The following MUC15 variants were observed in gnomAD, a reference collection of about 807,000 sequenced individuals.
The protein encoded by MUC15 is mucin 15, cell surface associated.
Under a neutral mutation model 24.0 loss-of-function variants are expected in MUC15, and 23 were observed. The ratio of observed to expected loss-of-function variants is 0.96; its 90% CI spans 0.69 to 1.36. The LOEUF is 1.36. Among genes scored for constraint, MUC15 ranks in the 40% most tolerant of loss-of-function variants. MUC15 has a pLI of 0.00. For missense variants in MUC15, 442 were observed against 428.2 expected, an observed-to-expected ratio of 1.03 and a Z score of -0.29; for synonymous variants, 151 against 156.3, an observed-to-expected ratio of 0.97 and a Z score of 0.25.
At chr11:26,569,952 T>C (rs1051933625) in intron 1 of MUC15, among the ~76,000 whole-genome samples, 9 of 151,984 alleles carry the variant, frequency 5.9e-5, no homozygotes, top group South Asian at 2.1e-4. Context: ...TCTTTTTGCA[T>C]CTGGGTGGTA....
At chr11:26,569,557 T>G (rs1850736929) in intron 1 of MUC15, among the ~76,000 whole-genome samples, 3 of 152,056 alleles carry the variant, frequency 2.0e-5, no homozygotes, top group South Asian at 2.1e-4. Context: ...GAAATTTTGC[T>G]GGAGTAAGGT....
intron 1 of MUC15, among the ~76,000 whole-genome samples, chr11:26,568,404 G>C (rs577664942): frequency 1.2e-4 from 18 of 151,408 alleles, no homozygotes; most frequent in Admixed American, 1.1e-3. Flanking sequence ...ATTCATGTTT[G>C]TAACATAAGT....
Position 26,559,808 on chromosome 11 carries a change from C to A in MUC15, c.*1257G>T. On this transcript the variant is annotated 3_prime_UTR_variant, in exon 5 of 5. Coordinates refer to ENST00000529533, the MANE Select transcript of MUC15 (RefSeq NM_001135091.2). ...AGTACTTTCTTCATTACTTTCTATCCCTTATTTTCTGAAGCTGTTTCTGTG... is the reference window on the plus strand; with the variant it reads ...AGTACTTTCTTCATTACTTTCTATCACTTATTTTCTGAAGCTGTTTCTGTG... 5 of 1,371,278 alleles carry A rather than the reference C, an allele frequency of 3.6e-6. No individual in the cohort carries two copies. Among genetic ancestry groups the A allele is most frequent in the Non-Finnish European group, 5.2e-6 (5 of 968,382 alleles). The allele number at this position is 1,371,278 out of a possible 1,614,324, so 84.9% of individuals were successfully genotyped here.
chr11:26,560,002 C>T lies in MUC15; in HGVS notation c.*1063G>A. The T allele has an allele frequency of 2.5e-6, 1 of 392,320 alleles. No homozygotes were observed. Among genetic ancestry groups the T allele is most frequent in the African/African-American group, 2.1e-5 (1 of 48,744 alleles). 24.3% of individuals were successfully genotyped at this position (392,320 alleles called of 1,614,324 possible). A position where few individuals can be genotyped will look rare whatever the true frequency, so the allele number is the denominator to read the frequency against. On this transcript the variant is annotated 3_prime_UTR_variant, in exon 5 of 5. Coordinates refer to ENST00000529533, the MANE Select transcript of MUC15 (RefSeq NM_001135091.2). ...CTCTAATCTCTAAAACCTAGACTTT[C>T]CTACATCAAGGAACATATTTTTTCT...
rs944044497 is a variant in MUC15 at position 26,565,642 on chromosome 11, G to C, written c.298C>G (p.Pro100Ala). 1.2e-6 allele frequency: 2 copies of C among 1,609,402 alleles called. No individual in the cohort carries two copies. Among genetic ancestry groups the C allele is most frequent in the Admixed American group, 1.7e-5 (1 of 59,566 alleles). The change falls in exon 3 of 5, where the codon CCT becomes GCT. Residue 100 changes from proline (P) to alanine (A), a missense_variant. Pro to Ala is a conservative substitution (Grantham distance 27). Coordinates refer to ENST00000529533, the MANE Select transcript of MUC15 (RefSeq NM_001135091.2). ...CTGTTGTTGGGTAGATTCAAAGGAG[G>C]GGAATGACTCGCCTTGAGATTTGAG... Reference protein sequence around the residue: ...TTSNLKASHSPPLNLPNNSHG... With the variant: ...TTSNLKASHSAPLNLPNNSHG...
intron 1 of MUC15, among the ~76,000 whole-genome samples, chr11:26,568,424 A>C (rs559984430): frequency 6.6e-6 from 1 of 151,398 alleles, no homozygotes; most frequent in African/African-American, 2.4e-5. Context: ...TTGCAAAGGA[A>C]TATAGAATTT....
intron 1 of MUC15, among the ~76,000 whole-genome samples, chr11:26,570,301 G>A (rs1850769928): frequency 6.6e-6 from 1 of 152,114 alleles, no homozygotes; most frequent in East Asian, 1.9e-4. Flanking sequence ...TGCAGAAAGT[G>A]ATGAGAAAAA....
chr11:26,561,020 G>A lies in MUC15; in HGVS notation c.*45C>T, dbSNP rs868108700. ...GAAAGATGAATTTGTCAAAAGGCTA[G>A]GATGTAGATGACACTTGCTGTTTAA... On this transcript the variant is annotated 3_prime_UTR_variant, in exon 5 of 5. Transcript: ENST00000529533. 2 of 1,553,304 alleles carry A rather than the reference G, an allele frequency of 1.3e-6. No homozygotes were observed. Among genetic ancestry groups the A allele is most frequent in the African/African-American group, 1.4e-5 (1 of 71,878 alleles).
chr11:26,560,268 A>G lies in MUC15; in HGVS notation c.*797T>C, dbSNP rs138967628. 9 of 152,830 alleles carry G rather than the reference A, an allele frequency of 5.9e-5. No individual in the cohort carries two copies. Among genetic ancestry groups the G allele is most frequent in the African/African-American group, 2.2e-4 (9 of 41,552 alleles). The allele number at this position is 152,830 out of a possible 1,614,324, so 9.5% of individuals were successfully genotyped here. A position where few individuals can be genotyped will look rare whatever the true frequency, so the allele number is the denominator to read the frequency against. On this transcript the variant is annotated 3_prime_UTR_variant, in exon 5 of 5. Coordinates refer to ENST00000529533, the MANE Select transcript of MUC15 (RefSeq NM_001135091.2). ...CTAACAACTTAAAACTGTACAAATT[A>G]TGTACAGGTATATTCTTTGGTTAAC...
chr11:26,564,726 CACACACATAT>C (rs1850471623), intron 3 of MUC15, among the ~76,000 whole-genome samples: 32 of 49,298 alleles, frequency 6.5e-4, no homozygotes, highest in African/African-American at 1.1e-3. Context: ...CACACACACA[CACACACATAT>C]ATATATATAT....
chr11:26,561,733 G>A (rs1037657302), intron 4 of MUC15, among the ~76,000 whole-genome samples: 4 of 151,910 alleles, frequency 2.6e-5, no homozygotes, highest in Admixed American at 6.6e-5. Flanking sequence ...TCTTCTGATC[G>A]ATTCAAGTTA....
chr11:26,563,393 CTCTGTGTGTGTGTGTG>C, intron 3 of MUC15, 128 bp from the exon 4 acceptor site: 2 of 825,498 alleles, frequency 2.4e-6, no homozygotes, highest in Non-Finnish European at 3.4e-6. Flanking sequence ...GTGTTTCTCT[CTCTGTGTGTGTGTGTG>C]TGTGTGTGTG....
intron 1 of MUC15, among the ~76,000 whole-genome samples, chr11:26,567,953 A>T (rs293975): frequency 0.11 from 16,102 of 151,984 alleles, 939 homozygotes; most frequent in African/African-American, 0.12. Context: ...AGCTACAATG[A>T]TACGATTGGG....
intron 4 of MUC15, among the ~76,000 whole-genome samples, chr11:26,561,558 C>G (rs1850293923): frequency 6.6e-6 from 1 of 151,232 alleles, no homozygotes; most frequent in Admixed American, 6.6e-5. Flanking sequence ...ATTTCAAAGC[C>G]TTGTCAACAT....
chr11:26,569,284 A>G (rs1850724429), intron 1 of MUC15, among the ~76,000 whole-genome samples: 1 of 152,154 alleles, frequency 6.6e-6, no homozygotes, highest in Non-Finnish European at 1.5e-5. Flanking sequence ...TTTATCTCCC[A>G]GGAAAAGGAG....
rs1366886837 is a variant in MUC15, at chr11:26,560,238, CCTAT to C, written c.*823_*826del. 6.5e-6 allele frequency: 1 copy of C among 153,684 alleles called. No homozygotes were observed. The highest frequency in any genetic ancestry group is 1.4e-5 in the Non-Finnish European group (1 of 69,176). The allele number at this position is 153,684 out of a possible 1,614,324, so 9.5% of individuals were successfully genotyped here. A position where few individuals can be genotyped will look rare whatever the true frequency, so the allele number is the denominator to read the frequency against. On this transcript the variant is annotated 3_prime_UTR_variant, in exon 5 of 5. Transcript: ENST00000529533. ...TGTCTAATACATAAGAAATCCAGTT[CCTAT>C]CTAACAACTTAAAACTGTACAAATT...
rs528504400 is a variant in MUC15, at chr11:26,572,151, C to A, written c.-156G>T. 2.8e-5 allele frequency: 28 copies of A among 985,312 alleles called. No individual in the cohort carries two copies. The African/African-American group carries it at 4.7e-4, about 17-fold the overall frequency. 61.0% of individuals were successfully genotyped at this position (985,312 alleles called of 1,614,324 possible). On this transcript the variant is annotated 5_prime_UTR_variant, in exon 1 of 5. Coordinates refer to ENST00000529533, the MANE Select transcript of MUC15 (RefSeq NM_001135091.2). ...ACAGATGGGTTAAGTGTGACAATGTCGCACTGAGCAGGAGGGTGCCAGGGA... is the reference window on the plus strand; with the variant it reads ...ACAGATGGGTTAAGTGTGACAATGTAGCACTGAGCAGGAGGGTGCCAGGGA...
At position 26,565,522 on chromosome 11, in the gene MUC15, T is replaced by A; in HGVS notation, c.418A>T (p.Ile140Phe). 6.2e-7 allele frequency: 1 copy of A among 1,613,300 alleles called. No individual in the cohort carries two copies. The highest frequency in any genetic ancestry group is 8.5e-7 in the Non-Finnish European group (1 of 1,179,508). ...GGCACTTTAGAAACAAAGCTATGGA[T>A]CAAGGGAGGGCTTGTGGAAATGGTA... ...TSTISTSPPL[I>F]HSFVSKVPWN... Residue 140 changes from isoleucine (I) to phenylalanine (F), a missense_variant, in exon 3 of 5, where the codon ATC becomes TTC. Ile to Phe is a conservative substitution (Grantham distance 21). Transcript: ENST00000529533.
chr11:26,564,760 T>G (rs1226181820), intron 3 of MUC15, among the ~76,000 whole-genome samples: 1 of 87,814 alleles, frequency 1.1e-5, no homozygotes, highest in Non-Finnish European at 2.3e-5. Flanking sequence ...TATATATATA[T>G]ATATATATAT....
Sources: allele counts gnomAD v4.1 joint callset (sites outside exome capture counted in the v4.1 genomes callset), GRCh38; gene constraint gnomAD v4.1.1; transcripts MANE v1.5; gene names NCBI Gene and HGNC (gene_info 2026-07-23, HGNC 2026-07-21).